TP63: variants seen among roughly 807,000 people sequenced by gnomAD.
TP63 encodes tumor protein 63.
Under a neutral mutation model 82.8 loss-of-function variants are expected in TP63, and 17 were observed. The observed-to-expected ratio is 0.21, with a 90% confidence interval of 0.14 to 0.31. TP63 has a LOEUF of 0.31. Ranked by LOEUF, TP63 falls within the 10% of genes least tolerant of loss-of-function variation. TP63 has a pLI of 1.00. For synonymous variants in TP63, 330 were observed against 321.7 expected, an observed-to-expected ratio of 1.03 and a Z score of -0.28; for missense variants, 648 against 895.3, an observed-to-expected ratio of 0.72 and a Z score of 3.52.
chr3:189,876,260 A>G (rs957144884), intron 10 of TP63, among the ~76,000 whole-genome samples: 2 of 152,180 alleles, frequency 1.3e-5, no homozygotes, highest in African/African-American at 2.4e-5. Flanking sequence ...TGCTAAATGT[A>G]TTTGTTTTTA....
chr3:189,637,888 T>A (rs1471532186), intron 1 of TP63, among the ~76,000 whole-genome samples: 1 of 152,116 alleles, frequency 6.6e-6, no homozygotes, highest in Non-Finnish European at 1.5e-5. Flanking sequence ...ATGGGCACCA[T>A]GTAATCACAA....
chr3:189,677,404 ATATACATATATACACG>A (rs1715526058), intron 1 of TP63, among the ~76,000 whole-genome samples: 1 of 121,036 alleles, frequency 8.3e-6, no homozygotes, highest in Non-Finnish European at 1.9e-5. Context: ...GTGTGTATAT[ATATACATATATACACG>A]TATACATATA....
intron 1 of TP63, among the ~76,000 whole-genome samples, chr3:189,636,219 G>C (rs12374182): frequency 6.6e-6 from 1 of 152,036 alleles, no homozygotes; most frequent in Non-Finnish European, 1.5e-5. Context: ...CATGCGCTGC[G>C]TCTGAGCGGT....
chr3:189,874,205 G>C (rs186586355), intron 10 of TP63, among the ~76,000 whole-genome samples: 2 of 152,210 alleles, frequency 1.3e-5, no homozygotes, highest in South Asian at 2.1e-4. Context: ...GAGTAGCTGG[G>C]ATTAGAGGCA....
At chr3:189,654,933 C>T (rs113961652) in intron 1 of TP63, among the ~76,000 whole-genome samples, 20 of 152,144 alleles carry the variant, frequency 1.3e-4, no homozygotes, top group African/African-American at 4.6e-4. Context: ...TTAGGTTTTG[C>T]ATTCCACTGA....
At chr3:189,798,069 G>A (rs1456250495) in intron 3 of TP63, among the ~76,000 whole-genome samples, 1 of 151,996 alleles carries the variant, frequency 6.6e-6, no homozygotes, top group Non-Finnish European at 1.5e-5. Context: ...GATGTGTTAT[G>A]CTTATCTCTG....
At chr3:189,877,933 C>T (rs1368387731) in intron 10 of TP63, among the ~76,000 whole-genome samples, 1 of 152,094 alleles carries the variant, frequency 6.6e-6, no homozygotes, top group Non-Finnish European at 1.5e-5. Flanking sequence ...CCAGGCTGGA[C>T]TTGGACTTCT....
At chr3:189,678,671 G>A (rs1394994068) in intron 1 of TP63, among the ~76,000 whole-genome samples, 1 of 151,846 alleles carries the variant, frequency 6.6e-6, no homozygotes, top group Non-Finnish European at 1.5e-5. Context: ...AGATTGTTTT[G>A]GGCCGTATGG....
intron 1 of TP63, among the ~76,000 whole-genome samples, chr3:189,711,840 A>T (rs1401308357): frequency 6.6e-6 from 1 of 152,190 alleles, no homozygotes; most frequent in Non-Finnish European, 1.5e-5. Context: ...ACACTGATGT[A>T]TGGGCTTGAG....
At chr3:189,699,005 G>T (rs747182477) in intron 1 of TP63, among the ~76,000 whole-genome samples, 5 of 152,130 alleles carry the variant, frequency 3.3e-5, no homozygotes, top group Non-Finnish European at 7.4e-5. Flanking sequence ...CCTGCCAAGT[G>T]CTGACCACGG....
chr3:189,682,353 CTT>C (rs11356924), intron 1 of TP63, among the ~76,000 whole-genome samples: 37 of 141,344 alleles, frequency 2.6e-4, no homozygotes, highest in Admixed American at 4.9e-4. Context: ...AAATCAGCAC[CTT>C]TTTTTTTTTT....
At chr3:189,864,492 C>A (rs1354558814) in intron 5 of TP63, 74 bp downstream of exon 5, 4 of 1,485,480 alleles carry the variant, frequency 2.7e-6, no homozygotes, top group East Asian at 2.4e-5. Flanking sequence ...TTGTTTGAGA[C>A]CCACCTACCT....
At chr3:189,693,126 T>C (rs913892263) in intron 1 of TP63, among the ~76,000 whole-genome samples, 6 of 152,214 alleles carry the variant, frequency 3.9e-5, no homozygotes, top group African/African-American at 1.4e-4. Context: ...CTCCGTTATG[T>C]GGCTTCATCA....
At chr3:189,777,844 T>C in intron 3 of TP63, among the ~76,000 whole-genome samples, 1 of 104,376 alleles carries the variant, frequency 9.6e-6, no homozygotes, top group East Asian at 2.4e-4. Context: ...TTCTTCTTCT[T>C]CTTTTTTTTT....
intron 1 of TP63, among the ~76,000 whole-genome samples, chr3:189,712,780 G>A (rs1718689038): frequency 6.6e-6 from 1 of 152,094 alleles, no homozygotes; most frequent in Non-Finnish European, 1.5e-5. Context: ...CAAAGAGAAA[G>A]GTTATAAAAT....
chr3:189,886,412 A>C lies in TP63; in HGVS notation c.1368A>C (p.Pro456=), dbSNP rs200558415. 1.9e-6 allele frequency: 3 copies of C among 1,614,112 alleles called. No homozygotes were observed. Among genetic ancestry groups the C allele is most frequent in the South Asian group, 2.2e-5 (2 of 91,076 alleles). The stretch of plus-strand genomic sequence containing the variant: ...TTCCTAGGACCTCAATACAGTCTCC[A>C]TCTTCATATGGTAACAGCTCCCCAC... ...LLQKQTSIQS[P]SSYGNSSPPL... is the part of the protein sequence containing the mutation. Residue 456 remains proline, a synonymous_variant, in exon 11 of 14, where the codon CCA becomes CCC. Transcript: ENST00000264731.
chr3:189,819,468 C>T (rs1275627836), intron 4 of TP63, among the ~76,000 whole-genome samples: 1 of 152,024 alleles, frequency 6.6e-6, no homozygotes, highest in Non-Finnish European at 1.5e-5. Context: ...CAACAGTCCC[C>T]AGTGTGTGAT....
intron 1 of TP63, among the ~76,000 whole-genome samples, chr3:189,722,931 A>G (rs1286200163): frequency 2.0e-5 from 3 of 152,248 alleles, no homozygotes; most frequent in Non-Finnish European, 2.9e-5. Context: ...ATAAAACTCT[A>G]AACATTAGAA....
intron 3 of TP63, 137 bp from the exon 4 acceptor site, chr3:189,808,135 C>T (rs2108636564): frequency 7.0e-7 from 1 of 1,425,602 alleles, no homozygotes; most frequent in East Asian, 2.3e-5. Context: ...CAAAAATCAA[C>T]GGTTTTACTT....
Sources: gnomAD v4.1 joint callset for allele counts (sites outside exome capture counted in the v4.1 genomes callset) on GRCh38, gnomAD v4.1.1 for gene constraint, MANE v1.5 for transcripts, NCBI Gene and HGNC (gene_info 2026-07-23, HGNC 2026-07-21) for gene names.